The following NPL variants were observed in gnomAD, a reference collection of about 807,000 sequenced individuals.
NPL encodes the protein N-acetylneuraminate pyruvate lyase, also known as N-acetylneuraminate lyase.
Under a neutral mutation model 41.1 loss-of-function variants are expected in NPL, and 32 were observed. That is an observed-to-expected ratio of 0.78 (90% CI 0.59 to 1.05). NPL has a LOEUF of 1.05. Ranked by LOEUF, NPL falls within the 50% of genes least tolerant of loss-of-function variation. NPL has a pLI of 0.00. For synonymous variants in NPL, 128 were observed against 134.9 expected (o/e 0.95, Z 0.35); for missense variants, 321 against 378.4 (o/e 0.85, Z 1.26).
In NPL at chr1:182,818,713, C is replaced by T. The variant is rs762843147; in HGVS notation, c.606+24C>T. On this transcript the variant is annotated intron_variant, in intron 9 of 12. Coordinates refer to ENST00000367553, the MANE Select transcript of NPL (RefSeq NM_030769.3). ...AGGTAAGTCACCCCCTAGCATGTTG[C>T]AGCAGGTCAGTTCCCTCCAAAACAA... 4.3e-6 allele frequency: 7 copies of T among 1,614,154 alleles called. No individual in the cohort carries two copies. The South Asian group carries it at 6.6e-5, about 15-fold the overall frequency.
intron 4 of NPL, 62 bp from the exon 5 acceptor site, chr1:182,806,083 A>G: frequency 6.2e-7 from 1 of 1,603,782 alleles, no homozygotes; most frequent in Non-Finnish European, 8.5e-7. Flanking sequence ...GCACTTTCAG[A>G]CTCGGGGTTG....
intron 3 of NPL, among the ~76,000 whole-genome samples, chr1:182,799,690 G>T (rs1666776259): frequency 7.1e-6 from 1 of 140,496 alleles, no homozygotes; most frequent in Non-Finnish European, 1.5e-5. Context: ...TTGAATTCAG[G>T]AGTTTGAGGC....
At position 182,799,732 on chromosome 1, in the gene NPL, C is replaced by CAAAAAAAAAAAAAAAAAAAAAAAA. The variant is rs556336661; in HGVS notation, c.69-3945_69-3944insAAAAAAAAAAAAAAAAAAAAAAAA. ...AGACAACATAGCAAGACCCTGTCTC[C>CAAAAAAAAAAAAAAAAAAAAAAAA]AAAAAAAAAAAAAAAAAAAAAGCCC... On this transcript the variant is annotated intron_variant, in intron 3 of 12. Transcript: ENST00000367553. Among the ~76,000 whole-genome samples, 2 of 61,212 alleles carry CAAAAAAAAAAAAAAAAAAAAAAAA rather than the reference C, an allele frequency of 3.3e-5. 1 individual carries two copies. Among genetic ancestry groups the CAAAAAAAAAAAAAAAAAAAAAAAA allele is most frequent in the Non-Finnish European group, 7.1e-5 (2 of 28,008 alleles). 40.2% of individuals were successfully genotyped at this position (61,212 alleles called of 152,430 possible). A position where few individuals can be genotyped will look rare whatever the true frequency, so the allele number is the denominator to read the frequency against.
At chr1:182,811,324 G>A (rs1667169111) in intron 5 of NPL, among the ~76,000 whole-genome samples, 1 of 152,002 alleles carries the variant, frequency 6.6e-6, no homozygotes, top group Admixed American at 6.6e-5. Context: ...CACCTCCTGG[G>A]TTCAAGCTAT....
In NPL at chr1:182,812,159, G is replaced by C. The variant is rs763152684; in HGVS notation, c.234G>C (p.Leu78=). 6.2e-7 allele frequency: 1 copy of C among 1,613,916 alleles called. No individual in the cohort carries two copies. The highest frequency in any genetic ancestry group is 1.1e-5 in the South Asian group (1 of 91,086). Residue 78 remains leucine (L), a synonymous_variant, in exon 6 of 13, where the codon CTG becomes CTC. Coordinates refer to ENST00000367553, the MANE Select transcript of NPL (RefSeq NM_030769.3). ...AGCAGTGTTTTTTCTTTTGCAGGCT[G>C]GATCAGGTGATAATTCACGTAGGAG... is the stretch of plus-strand genomic sequence containing the variant. ...EEWVTKGKDK[L]DQVIIHVGAL...
At chr1:182,805,296 T>G (rs922095240) in intron 4 of NPL, among the ~76,000 whole-genome samples, 3 of 152,088 alleles carry the variant, frequency 2.0e-5, no homozygotes, top group Admixed American at 1.3e-4. Flanking sequence ...CTGGGCATGG[T>G]GGTGGGTCCC....
chr1:182,793,820 T>G (rs1666581607), intron 2 of NPL, among the ~76,000 whole-genome samples: 1 of 152,222 alleles, frequency 6.6e-6, no homozygotes, highest in African/African-American at 2.4e-5. Context: ...GACCCTTGAA[T>G]TACGTTGATT....
At chr1:182,795,364 A>G (rs1190507601) in intron 3 of NPL, among the ~76,000 whole-genome samples, 1 of 152,386 alleles carries the variant, frequency 6.6e-6, no homozygotes, top group African/African-American at 2.4e-5. Context: ...CACAGGGTCA[A>G]TACGCACTTA....
chr1:182,816,125 C>T (rs893329304), intron 7 of NPL, among the ~76,000 whole-genome samples: 6 of 152,268 alleles, frequency 3.9e-5, no homozygotes, highest in Admixed American at 1.3e-4. Flanking sequence ...GTGTTGCAGG[C>T]GAAGCTCACA....
At chr1:182,807,720 C>CAAAAAAAAAA (rs753955697) in intron 5 of NPL, among the ~76,000 whole-genome samples, 17 of 55,270 alleles carry the variant, frequency 3.1e-4, no homozygotes, top group South Asian at 6.0e-4. Flanking sequence ...ACTAAAAATA[C>CAAAAAAAAAA]AAAAAAAAAA....
chr1:182,824,048 T>C (rs1436161041), intron 11 of NPL, among the ~76,000 whole-genome samples: 1 of 152,248 alleles, frequency 6.6e-6, no homozygotes, highest in East Asian at 1.9e-4. Context: ...AAGTTAGGGC[T>C]AAATTTATCT....
chr1:182,815,369 C>A (rs1487003244), intron 7 of NPL, among the ~76,000 whole-genome samples: 1 of 152,052 alleles, frequency 6.6e-6, no homozygotes, highest in Non-Finnish European at 1.5e-5. Context: ...TCTAAGTATA[C>A]CAAGTCTTTT....
chr1:182,806,025 T>C (rs761991053), intron 4 of NPL, 120 bp from the exon 5 acceptor site: 15 of 1,140,882 alleles, frequency 1.3e-5, no homozygotes, highest in Non-Finnish European at 1.9e-5. Flanking sequence ...AATGGAAACA[T>C]GGCATTTTCC....
In NPL at chr1:182,799,038, T is replaced by C. The variant is rs887024731; in HGVS notation, c.68+4599T>C. Among the ~76,000 whole-genome samples, 5 of 152,226 alleles carry C rather than the reference T, an allele frequency of 3.3e-5. No individual in the cohort carries two copies. The East Asian group carries it at 9.6e-4, about 29-fold the overall frequency. On this transcript the variant is annotated intron_variant, in intron 3 of 12. Transcript: ENST00000367553. ...AAAATAGCCTGTCCTGTGGATTCTG[T>C]CTTCTCAGATGAAGTGAAAGTCTTT... is the stretch of plus-strand genomic sequence containing the variant.
At chr1:182,801,136 C>G (rs1666835765) in intron 3 of NPL, among the ~76,000 whole-genome samples, 1 of 152,166 alleles carries the variant, frequency 6.6e-6, no homozygotes, top group African/African-American at 2.4e-5. Flanking sequence ...CCTTTTCAAC[C>G]TAGATCTCTC....
chr1:182,810,068 A>G (rs1233594245), intron 5 of NPL: 2 of 152,214 alleles, frequency 1.3e-5, no homozygotes, highest in Non-Finnish European at 2.9e-5. Context: ...TGTTTTACCT[A>G]AGACATAGCT....
intron 4 of NPL, among the ~76,000 whole-genome samples, chr1:182,805,200 C>T (rs1018929352): frequency 1.3e-5 from 2 of 152,114 alleles, no homozygotes; most frequent in African/African-American, 2.4e-5. Flanking sequence ...GAGGCTGAGG[C>T]GGGCAGATCA....
Position 182,822,128 on chromosome 1 carries a change from C to T in NPL, c.667C>T (p.Leu223=), listed in dbSNP as rs759645169. 4.3e-6 allele frequency: 7 copies of T among 1,611,754 alleles called. No homozygotes were observed. The highest frequency in any genetic ancestry group is 3.3e-4 in the Middle Eastern group (2 of 6,080). The change falls in exon 11 of 13, where the codon CTG becomes TTG. Residue 223 remains leucine (L), a synonymous_variant. Transcript: ENST00000367553. ...TTGTCTTGCCAGTACCTATAACTAC[C>T]TGGGAAAAAAGACAAACCAGATGTT... ...TGAVGSTYNY[L]GKKTNQMLEA...
chr1:182,802,615 A>AC (rs1666882266), intron 3 of NPL, among the ~76,000 whole-genome samples: 1 of 152,184 alleles, frequency 6.6e-6, no homozygotes, highest in Non-Finnish European at 1.5e-5. Context: ...TGGCAGGGTA[A>AC]CCATGGGCAC....
Sources: allele counts gnomAD v4.1 joint callset (sites outside exome capture counted in the v4.1 genomes callset), GRCh38; gene constraint gnomAD v4.1.1; transcripts MANE v1.5; gene names NCBI Gene and HGNC (gene_info 2026-07-23, HGNC 2026-07-21).